Variants in HDAC9 observed in about 807,000 individuals in gnomAD.
HDAC9 encodes the protein MEF-2 interacting transcription repressor (MITR) protein.
HDAC9 carries 41 observed loss-of-function variants against 139.4 expected under a neutral mutation model. That is an observed-to-expected ratio of 0.29 (90% CI 0.23 to 0.38). The LOEUF (loss-of-function observed/expected upper bound fraction) is 0.38, where lower values mean the gene tolerates loss of function less well. HDAC9 is among the 10% of genes least tolerant of loss of function. HDAC9 has a pLI of 1.00. For synonymous variants in HDAC9, 517 were observed against 476.2 expected (o/e 1.09, Z -1.12); for missense variants, 1,147 against 1,297.0 (o/e 0.88, Z 1.78).
Position 18,906,817 on chromosome 7 carries a change from C to G in HDAC9, c.2804-28992C>G, listed in dbSNP as rs1016025865. 3.9e-5 allele frequency: 6 copies of G among 152,252 alleles called. No homozygotes were observed. The East Asian group carries it at 1.2e-3, about 29-fold the overall frequency. 9.4% of individuals were successfully genotyped at this position (152,252 alleles called of 1,614,324 possible). On this transcript the variant is annotated intron_variant, in intron 22 of 25. Transcript: ENST00000686413. The stretch of plus-strand genomic sequence containing the variant: ...GTTCTTTATTCAATACACACACAAT[C>G]AATTTCGAGGACCACTGACAAAAGG...
At chr7:18,359,202 A>G (rs896470230) in intron 1 of HDAC9, among the ~76,000 whole-genome samples, 2 of 152,140 alleles carry the variant, frequency 1.3e-5, no homozygotes, top group Admixed American at 6.5e-5. Flanking sequence ...CTAGAAATAC[A>G]AAAGGTAGCC....
intron 2 of HDAC9, among the ~76,000 whole-genome samples, chr7:18,204,368 T>A (rs954069010): frequency 6.6e-6 from 1 of 151,424 alleles, no homozygotes. Context: ...TTTACTCAGT[T>A]TAAAATTTCT....
intron 11 of HDAC9, among the ~76,000 whole-genome samples, chr7:18,651,507 T>A (rs1789249505): frequency 6.6e-6 from 1 of 152,160 alleles, no homozygotes; most frequent in Non-Finnish European, 1.5e-5. Context: ...ATGATGGGCT[T>A]CCTGGTATAA....
intron 14 of HDAC9, among the ~76,000 whole-genome samples, chr7:18,751,419 C>G (rs766303590): frequency 3.3e-5 from 5 of 152,150 alleles, no homozygotes; most frequent in Non-Finnish European, 7.4e-5. Context: ...CTTTTCCTAA[C>G]ATAGTTTGAT....
intron 2 of HDAC9, among the ~76,000 whole-genome samples, chr7:18,514,050 G>A (rs1802416156): frequency 6.6e-6 from 1 of 152,162 alleles, no homozygotes; most frequent in East Asian, 1.9e-4. Context: ...TTATAGACCT[G>A]TTTACAAAGA....
At position 18,400,298 on chromosome 7, in the gene HDAC9, T is replaced by C. The variant is rs144957335; in HGVS notation, c.-41-95964T>C. ...TAGGTGTGAGAGAGGTTTTGGATTG[T>C]AAGGGTAGAAATACGTAAAATTTCC... On this transcript the variant is annotated intron_variant, in intron 1 of 3. Transcript: ENST00000413509. Among the ~76,000 whole-genome samples, 789 of 152,318 alleles carry C rather than the reference T, an allele frequency of 5.2e-3. 8 individuals carry two copies. Among genetic ancestry groups the C allele is most frequent in the African/African-American group, 0.018 (763 of 41,560 alleles).
At chr7:18,475,740 G>T (rs1420425847) in intron 1 of HDAC9, among the ~76,000 whole-genome samples, 2 of 152,174 alleles carry the variant, frequency 1.3e-5, no homozygotes, top group Non-Finnish European at 2.9e-5. Flanking sequence ...TTTGTTCACT[G>T]CAGGGAAATT....
intron 11 of HDAC9, among the ~76,000 whole-genome samples, chr7:18,665,518 CTAAA>C (rs1375201294): frequency 6.6e-6 from 1 of 152,046 alleles, no homozygotes; most frequent in East Asian, 1.9e-4. Context: ...AATAAAATGT[CTAAA>C]TAATGATTTC....
At chr7:18,967,784 A>C (rs1462999160) in intron 24 of HDAC9, among the ~76,000 whole-genome samples, 1 of 152,206 alleles carries the variant, frequency 6.6e-6, no homozygotes, top group Admixed American at 6.5e-5. Context: ...CTACTGTCAA[A>C]ATTTTAAAAC....
At chr7:18,741,851 C>T (rs1326458161) in intron 13 of HDAC9, among the ~76,000 whole-genome samples, 1 of 152,056 alleles carries the variant, frequency 6.6e-6, no homozygotes, top group Non-Finnish European at 1.5e-5. Context: ...TCATGGATGA[C>T]TTCGAGGGGG....
At chr7:18,708,890 A>T (rs1584888393) in intron 12 of HDAC9, among the ~76,000 whole-genome samples, 1 of 151,358 alleles carries the variant, frequency 6.6e-6, no homozygotes, top group East Asian at 2.0e-4. Context: ...ATTAAATCAC[A>T]TTCATTCTTT....
chr7:18,642,821 G>C (rs915976898), intron 8 of HDAC9, among the ~76,000 whole-genome samples: 2 of 151,974 alleles, frequency 1.3e-5, no homozygotes, highest in African/African-American at 2.4e-5. Flanking sequence ...TGAGGTGGGA[G>C]GATATCACAG....
intron 17 of HDAC9, among the ~76,000 whole-genome samples, chr7:18,807,037 T>G (rs1197701936): frequency 6.6e-6 from 1 of 152,196 alleles, no homozygotes; most frequent in East Asian, 1.9e-4. Flanking sequence ...TTTGCATTAA[T>G]TCTTTAAATG....
At chr7:18,309,330 T>G (rs1278913628) in intron 1 of HDAC9, among the ~76,000 whole-genome samples, 1 of 152,236 alleles carries the variant, frequency 6.6e-6, no homozygotes, top group Non-Finnish European at 1.5e-5. Flanking sequence ...GAGGAACTGC[T>G]TGTTTAAATT....
chr7:18,256,868 G>A lies in HDAC9; in HGVS notation c.25+94519G>A, dbSNP rs1230581087. Among the ~76,000 whole-genome samples the A allele has an allele frequency of 2.0e-5, 3 of 152,040 alleles. No individual in the cohort carries two copies. In the East Asian group the frequency reaches 5.8e-4, roughly 29 times the overall value. Reference sequence around the variant, plus strand: ...TTTGGGAGGGCAAGGTAGGGGGATTGCTTGAGCCCGAGAGTTTGAGACCAG... The same window carrying A: ...TTTGGGAGGGCAAGGTAGGGGGATTACTTGAGCCCGAGAGTTTGAGACCAG... On this transcript the variant is annotated intron_variant, in intron 2 of 12. Transcript: ENST00000417496.
chr7:18,875,592 A>G lies in HDAC9; in HGVS notation c.2803+996A>G, dbSNP rs568154451. Among the ~76,000 whole-genome samples, 6 of 152,302 alleles carry G rather than the reference A, an allele frequency of 3.9e-5. No individual in the cohort carries two copies. The East Asian group carries it at 5.8e-4, about 15-fold the overall frequency. Reference sequence around the variant, plus strand: ...TAGGTAGTAACTATTTTTAACATGTATTATTTACCCAGGATTCTTTGTGCC... The same window carrying G: ...TAGGTAGTAACTATTTTTAACATGTGTTATTTACCCAGGATTCTTTGTGCC... On this transcript the variant is annotated intron_variant, in intron 22 of 25. Transcript: ENST00000686413.
At chr7:18,448,839 G>C (rs573352742) in intron 1 of HDAC9, among the ~76,000 whole-genome samples, 2 of 152,224 alleles carry the variant, frequency 1.3e-5, no homozygotes, top group East Asian at 3.9e-4. Flanking sequence ...AGAATTTGAT[G>C]TGTTGATAGT....
intron 21 of HDAC9, among the ~76,000 whole-genome samples, chr7:18,862,733 C>T (rs1798204120): frequency 6.6e-6 from 1 of 152,014 alleles, no homozygotes; most frequent in African/African-American, 2.4e-5. Flanking sequence ...AGAAAAAAAC[C>T]TAGCTAGCTT....
At chr7:18,849,031 T>A (rs1797095723) in intron 21 of HDAC9, among the ~76,000 whole-genome samples, 1 of 152,156 alleles carries the variant, frequency 6.6e-6, no homozygotes, top group South Asian at 2.1e-4. Context: ...ACTAACATTC[T>A]ATAGAACACA....
Sources: gnomAD v4.1 joint callset for allele counts (sites outside exome capture counted in the v4.1 genomes callset) on GRCh38, gnomAD v4.1.1 for gene constraint, MANE v1.5 for transcripts, NCBI Gene and HGNC (gene_info 2026-07-23, HGNC 2026-07-21) for gene names.